The following PEBP4 variants were observed in gnomAD, a reference collection of about 807,000 sequenced individuals.
The protein encoded by PEBP4 is phosphatidylethanolamine binding protein 4, also known as phosphatidylethanolamine-binding protein 4.
PEBP4 carries 22 observed loss-of-function variants against 23.9 expected under a neutral mutation model. That is an observed-to-expected ratio of 0.92 (90% CI 0.66 to 1.31). PEBP4 has a LOEUF of 1.31. Ranked by LOEUF, PEBP4 falls within the 40% of genes most tolerant of loss-of-function variation. The pLI is 0.00. For synonymous variants in PEBP4, 112 were observed against 99.3 expected, an observed-to-expected ratio of 1.13 and a Z score of -0.76; for missense variants, 324 against 281.7, an observed-to-expected ratio of 1.15 and a Z score of -1.07.
intron 4 of PEBP4, among the ~76,000 whole-genome samples, chr8:22,739,674 A>C (rs543085603): frequency 6.6e-6 from 1 of 152,032 alleles, no homozygotes; most frequent in South Asian, 2.1e-4. Context: ...CCCCCTCCCC[A>C]CAGTTCTGGA....
At chr8:22,772,178 T>A (rs1339995916) in intron 4 of PEBP4, among the ~76,000 whole-genome samples, 1 of 152,264 alleles carries the variant, frequency 6.6e-6, no homozygotes, top group Non-Finnish European at 1.5e-5. Context: ...AAGAAGGTAC[T>A]GTTGTTACCC....
At chr8:22,724,570 C>T (rs1804584706) in intron 6 of PEBP4, among the ~76,000 whole-genome samples, 1 of 152,228 alleles carries the variant, frequency 6.6e-6, no homozygotes, top group Non-Finnish European at 1.5e-5. Context: ...TGGCTGCAGT[C>T]ACCTGCTTTG....
chr8:22,757,423 C>G (rs1034816170), intron 4 of PEBP4: 2 of 152,464 alleles, frequency 1.3e-5, no homozygotes, highest in African/African-American at 2.4e-5. Context: ...ATAATACTAC[C>G]TTGTACTCCC....
intron 3 of PEBP4, among the ~76,000 whole-genome samples, chr8:22,910,226 A>T (rs1202899801): frequency 1.3e-5 from 2 of 152,250 alleles, no homozygotes; most frequent in Non-Finnish European, 2.9e-5. Flanking sequence ...GTGTGAAATG[A>T]CAGCACTGAC....
At chr8:22,918,438 G>C (rs1809124722) in intron 3 of PEBP4, among the ~76,000 whole-genome samples, 1 of 152,170 alleles carries the variant, frequency 6.6e-6, no homozygotes, top group African/African-American at 2.4e-5. Flanking sequence ...TTCAGGATGT[G>C]GCGTGGGTGA....
intron 4 of PEBP4, among the ~76,000 whole-genome samples, chr8:22,739,535 C>T (rs1408976577): frequency 3.3e-5 from 5 of 152,158 alleles, no homozygotes; most frequent in Admixed American, 2.0e-4. Flanking sequence ...TCTCTAACTC[C>T]GGCTGGACAG....
intron 3 of PEBP4, among the ~76,000 whole-genome samples, chr8:22,883,526 G>C (rs952015311): frequency 2.0e-5 from 3 of 151,422 alleles, no homozygotes; most frequent in Non-Finnish European, 4.4e-5. Context: ...AAAAAAAAAA[G>C]GTGAGCTGAA....
At chr8:22,809,405 A>G (rs1282349578) in intron 4 of PEBP4, among the ~76,000 whole-genome samples, 1 of 152,134 alleles carries the variant, frequency 6.6e-6, no homozygotes, top group Non-Finnish European at 1.5e-5. Context: ...CAAACTGCTT[A>G]CACCAGCATC....
intron 3 of PEBP4, among the ~76,000 whole-genome samples, chr8:22,857,736 G>A (rs977917665): frequency 2.0e-5 from 3 of 152,180 alleles, no homozygotes; most frequent in East Asian, 1.9e-4. Context: ...AGCCAGCATC[G>A]AATACTGAAG....
rs529696724 is a variant in PEBP4, at chr8:22,773,329, C to T, written c.357+44308G>A. ...TGATTACAGCATATTTAACCTGGCTCGTTAAGAGGGAGACACAGGGGACAG... is the reference window on the plus strand; with the variant it reads ...TGATTACAGCATATTTAACCTGGCTTGTTAAGAGGGAGACACAGGGGACAG... On this transcript the variant is annotated intron_variant, in intron 4 of 6. Transcript: ENST00000256404. Among the ~76,000 whole-genome samples, 7 of 152,288 alleles carry T rather than the reference C, an allele frequency of 4.6e-5. No individual in the cohort carries two copies. The South Asian group carries it at 1.0e-3, about 23-fold the overall frequency.
intron 3 of PEBP4, among the ~76,000 whole-genome samples, chr8:22,833,833 G>A (rs1187995276): frequency 6.6e-6 from 1 of 152,218 alleles, no homozygotes; most frequent in Non-Finnish European, 1.5e-5. Flanking sequence ...GATTGAAGGA[G>A]TCTGGAGTGG....
chr8:22,724,880 T>G lies in PEBP4; in HGVS notation c.480A>C (p.Lys160Asn). ...TTTCCTTGGGAAGGAGAGAGATGACTTTTCCTTCCTGAAGATAGACAAAGA... is the reference window on the plus strand; with the variant it reads ...TTTCCTTGGGAAGGAGAGAGATGACGTTTCCTTCCTGAAGATAGACAAAGA... ...YQFFVYLQEG[K>N]VISLLPKENK... is the part of the protein sequence containing the mutation. Residue 160 changes from lysine (K) to asparagine (N), a missense_variant, in exon 6 of 7, where the codon AAA (lysine) becomes AAC (asparagine). Physicochemically the swap from Lys to Asn is moderately conservative, Grantham distance 94 (BLOSUM62 0). Coordinates refer to ENST00000256404, the MANE Select transcript of PEBP4 (RefSeq NM_144962.3). The G allele has an allele frequency of 2.5e-6, 4 of 1,614,054 alleles. No individual in the cohort carries two copies. The highest frequency in any genetic ancestry group is 3.4e-6 in the Non-Finnish European group (4 of 1,179,958).
At chr8:22,881,779 T>A (rs1808263273) in intron 3 of PEBP4, among the ~76,000 whole-genome samples, 1 of 152,190 alleles carries the variant, frequency 6.6e-6, no homozygotes, top group Admixed American at 6.5e-5. Flanking sequence ...CAATTAGGGA[T>A]GAAACTGTGG....
At chr8:22,786,233 G>C (rs1806024282) in intron 4 of PEBP4, among the ~76,000 whole-genome samples, 1 of 152,146 alleles carries the variant, frequency 6.6e-6, no homozygotes, top group Non-Finnish European at 1.5e-5. Flanking sequence ...GTGTTCCTTG[G>C]TTGGGACCTC....
At chr8:22,939,440 T>C (rs766765358) in intron 1 of PEBP4, among the ~76,000 whole-genome samples, 3 of 152,070 alleles carry the variant, frequency 2.0e-5, no homozygotes, top group Non-Finnish European at 4.4e-5. Context: ...AAGGAAAATA[T>C]TTTACCTTTA....
At chr8:22,886,950 ACAAAG>A (rs978726606) in intron 3 of PEBP4, 2 of 152,304 alleles carry the variant, frequency 1.3e-5, no homozygotes, top group Non-Finnish European at 2.9e-5. Context: ...TGCTCAAGTC[ACAAAG>A]CAAAGTTGCA....
intron 3 of PEBP4, among the ~76,000 whole-genome samples, chr8:22,870,349 G>T (rs536905773): frequency 1.1e-4 from 16 of 152,132 alleles, no homozygotes; most frequent in Non-Finnish European, 1.9e-4. Flanking sequence ...GATTACATGC[G>T]GTAGGATCCT....
At chr8:22,815,415 A>G (rs554122875) in intron 4 of PEBP4, among the ~76,000 whole-genome samples, 1 of 152,160 alleles carries the variant, frequency 6.6e-6, no homozygotes, top group Non-Finnish European at 1.5e-5. Context: ...TTTGAGACCC[A>G]CTTAGCAGTG....
chr8:22,933,092 T>C (rs1274896938), intron 1 of PEBP4, among the ~76,000 whole-genome samples: 1 of 152,012 alleles, frequency 6.6e-6, no homozygotes, highest in Non-Finnish European at 1.5e-5. Flanking sequence ...GAGGAGATAG[T>C]AGCTCAAGCC....
Sources: allele counts gnomAD v4.1 joint callset (sites outside exome capture counted in the v4.1 genomes callset), GRCh38; gene constraint gnomAD v4.1.1; transcripts MANE v1.5; gene names NCBI Gene and HGNC (gene_info 2026-07-23, HGNC 2026-07-21).